Variants in RAB44 observed in about 807,000 individuals in gnomAD.
RAB44 encodes the protein ras-related protein Rab-44.
In RAB44, 67 loss-of-function variants were observed where a neutral mutation model predicts 93.3. That is an observed-to-expected ratio of 0.72 (90% CI 0.59 to 0.88). The LOEUF (loss-of-function observed/expected upper bound fraction) is 0.88, where lower values mean the gene tolerates loss of function less well. Among genes scored for constraint, RAB44 ranks in the 40% least tolerant of loss-of-function variants. The probability of loss-of-function intolerance (pLI) is 0.00; values close to 1 mark genes in which losing one functional copy is unlikely to be tolerated. For missense variants in RAB44, 1,064 were observed against 1,261.7 expected, an observed-to-expected ratio of 0.84 and a Z score of 2.37; for synonymous variants, 427 against 520.3, an observed-to-expected ratio of 0.82 and a Z score of 2.44.
rs1231652128 is a variant in RAB44, at chr6:36,727,689, C to T, written c.2794C>T (p.Gln932Ter). ...CGTGCGCTACTGGCTAGACTGTCTC[C>T]AGGTGAGCAGATGGCTGCTGGGGTT... ...AHVRYWLDCLQDAGSDGVVIL... is the reference protein window; with the variant it reads ...AHVRYWLDCL Residue 932 changes from glutamine (Q) to a stop codon, truncating the protein, a stop_gained and splice_region_variant, in exon 11 of 14, where the codon CAG (glutamine) becomes TAG (stop). Coordinates refer to ENST00000612677, the MANE Select transcript of RAB44 (RefSeq NM_001257357.2). LOFTEE classifies it high-confidence loss of function. 6 of 1,547,906 alleles carry T rather than the reference C, an allele frequency of 3.9e-6. No individual in the cohort carries two copies. The highest frequency in any genetic ancestry group is 1.7e-4 in the Middle Eastern group (1 of 6,000).
chr6:36,727,903 C>T (rs907119720), intron 11 of RAB44, among the ~76,000 whole-genome samples: 5 of 152,212 alleles, frequency 3.3e-5, no homozygotes, highest in African/African-American at 1.2e-4. Flanking sequence ...CAAACTACTT[C>T]CTTTATCCTG....
rs1035483654 is a variant in RAB44, at chr6:36,731,134, C to T, written c.2975+385C>T. The stretch of plus-strand genomic sequence containing the variant: ...GCAGCATCTCTAGTGCCATCTCCCC[C>T]ACCCCTACACACACACACATTCACT... On this transcript the variant is annotated intron_variant, in intron 13 of 13. Transcript: ENST00000612677. The surrounding 1 kb of genome is among the most constrained non-coding windows in gnomAD (Gnocchi z 4.0). 6.6e-6 allele frequency among the ~76,000 whole-genome samples: 1 copy of T among 151,824 alleles called. No homozygotes were observed. Among genetic ancestry groups the T allele is most frequent in the African/African-American group, 2.4e-5 (1 of 41,308 alleles).
chr6:36,725,271 G>A (rs942701974), intron 9 of RAB44, among the ~76,000 whole-genome samples: 1 of 152,202 alleles, frequency 6.6e-6, no homozygotes, highest in African/African-American at 2.4e-5. Context: ...CGCCTCCCGG[G>A]TTCAAGTGAT....
In RAB44 at chr6:36,721,627, C is replaced by T. The variant is rs766353256; in HGVS notation, c.1493C>T (p.Pro498Leu). The T allele has an allele frequency of 3.2e-6, 4 of 1,234,524 alleles. No homozygotes were observed. Among genetic ancestry groups the T allele is most frequent in the Non-Finnish European group, 4.0e-6 (4 of 988,404 alleles). 76.5% of individuals were successfully genotyped at this position (1,234,524 alleles called of 1,614,324 possible). ...LVAPAFKVLI[P>L]LEDGPPPPAN... is the part of the protein sequence containing the mutation. ...GCACCTGCATTCAAAGTGCTCATTC[C>T]TTTGGAGGATGGGCCCCCTCCCCCT... The change falls in exon 9 of 14, where the codon CCT becomes CTT. Residue 498 changes from proline to leucine, a missense_variant. Pro to Leu is a moderately conservative substitution (Grantham distance 98). Transcript: ENST00000612677.
chr6:36,716,394 T>C (rs1026698640), intron 4 of RAB44, among the ~76,000 whole-genome samples: 16 of 145,548 alleles, frequency 1.1e-4, no homozygotes, highest in African/African-American at 3.9e-4. Flanking sequence ...TGCTTGAACC[T>C]GGGAGGCGGA....
rs771467172 is a variant in RAB44, at chr6:36,728,702, T to A, written c.2799T>A (p.Asp933Glu). 7 of 1,550,304 alleles carry A rather than the reference T, an allele frequency of 4.5e-6. No homozygotes were observed. The South Asian group carries it at 8.3e-5, about 18-fold the overall frequency. ...GACAGAACATGTTCTGTGTGCAGGA[T>A]GCAGGGTCGGATGGGGTGGTCATCC... The part of the protein sequence containing the change: ...HVRYWLDCLQ[D>E]AGSDGVVILL... The change falls in exon 12 of 14, where the codon GAT becomes GAA. Residue 933 changes from aspartate to glutamate, a missense_variant and splice_region_variant. Physicochemically the swap from Asp to Glu is conservative, Grantham distance 45. Coordinates refer to ENST00000612677, the MANE Select transcript of RAB44 (RefSeq NM_001257357.2).
intron 9 of RAB44, 146 bp from the exon 10 acceptor site, chr6:36,725,716 G>A: frequency 1.6e-6 from 1 of 636,384 alleles, no homozygotes; most frequent in East Asian, 2.8e-5. Context: ...GAGTATGGAT[G>A]GGATGCAGAG....
chr6:36,715,271 G>A (rs1017549824), intron 3 of RAB44, among the ~76,000 whole-genome samples: 7 of 152,126 alleles, frequency 4.6e-5, no homozygotes, highest in South Asian at 2.1e-4. Context: ...GTCTTTTGGC[G>A]TCTCTGGGCC....
intron 10 of RAB44, 132 bp from the exon 11 acceptor site, chr6:36,727,445 T>C: frequency 1.6e-6 from 1 of 638,732 alleles, no homozygotes; most frequent in Non-Finnish European, 2.8e-6. Flanking sequence ...AACTACACTG[T>C]ACGAAGAAAA....
rs1304040646 is a variant in RAB44 at position 36,719,600 on chromosome 6, A to G, written c.829-763A>G. 2.6e-5 allele frequency among the ~76,000 whole-genome samples: 4 copies of G among 152,330 alleles called. No individual in the cohort carries two copies. In the South Asian group the frequency reaches 8.3e-4, roughly 32 times the overall value. On this transcript the variant is annotated intron_variant, in intron 7 of 13. Transcript: ENST00000612677. ...ACATAGGAAATGGTGATCAGTGCTA[A>G]GGAGAATAAAGTAAAACAGGGAAGG...
At chr6:36,729,998 T>C (rs1457889021) in intron 12 of RAB44, among the ~76,000 whole-genome samples, 1 of 152,212 alleles carries the variant, frequency 6.6e-6, no homozygotes, top group African/African-American at 2.4e-5. Context: ...TGGATGTTCA[T>C]GTGAGAGGTT....
chr6:36,713,810 C>G lies in RAB44; in HGVS notation c.208-18C>G. 8 of 1,503,464 alleles carry G rather than the reference C, an allele frequency of 5.3e-6. No individual in the cohort carries two copies. The highest frequency in any genetic ancestry group is 7.2e-6 in the Non-Finnish European group (8 of 1,117,164). The allele number at this position is 1,503,464 out of a possible 1,614,324, so 93.1% of individuals were successfully genotyped here. On this transcript the variant is annotated intron_variant, in intron 2 of 13. Coordinates refer to ENST00000612677, the MANE Select transcript of RAB44 (RefSeq NM_001257357.2). ...TTCCCCGGTGGGAACACCTGCCCAA[C>G]TTGCCCATTCCTTCCAGGTGGCCAA...
At position 36,727,707 on chromosome 6, in the gene RAB44, C is replaced by T. The variant is rs778935333; in HGVS notation, c.2796+16C>T. 40 of 1,520,410 alleles carry T rather than the reference C, an allele frequency of 2.6e-5. 1 individual carries two copies. In the South Asian group the frequency reaches 4.8e-4, roughly 18 times the overall value. 94.2% of individuals were successfully genotyped at this position (1,520,410 alleles called of 1,614,324 possible). ...CTGTCTCCAGGTGAGCAGATGGCTG[C>T]TGGGGTTGGCCCCAGTCCCTCCAGT... On this transcript the variant is annotated intron_variant, in intron 11 of 13. Coordinates refer to ENST00000612677, the MANE Select transcript of RAB44 (RefSeq NM_001257357.2).
Position 36,721,819 on chromosome 6 carries a change from G to A in RAB44, c.1685G>A (p.Arg562Gln), listed in dbSNP as rs189776467. The A allele has an allele frequency of 4.2e-3, 5,195 of 1,234,238 alleles. 15 individuals are homozygous for A. Among genetic ancestry groups the A allele is most frequent in the Non-Finnish European group, 4.7e-3 (4,657 of 988,338 alleles). The allele number at this position is 1,234,238 out of a possible 1,614,324, so 76.5% of individuals were successfully genotyped here. A position where few individuals can be genotyped will look rare whatever the true frequency, so the allele number is the denominator to read the frequency against. The part of the protein sequence containing the change: ...PTQTPPTMTE[R>Q]ETQPGPSPTT... ...CAAACCCCTCCCACCATGACTGAGC[G>A]GGAAACCCAGCCCGGACCCTCACCC... The change falls in exon 9 of 14, where the codon CGG (arginine) becomes CAG (glutamine). Residue 562 changes from arginine (R) to glutamine (Q), a missense_variant. Arg to Gln is a conservative substitution (Grantham distance 43). Coordinates refer to ENST00000612677, the MANE Select transcript of RAB44 (RefSeq NM_001257357.2).
chr6:36,704,530 G>A, intron 2 of RAB44, 88 bp downstream of exon 2: 1 of 1,232,464 alleles, frequency 8.1e-7, no homozygotes, highest in Non-Finnish European at 1.1e-6. Flanking sequence ...GGCAGGGCTT[G>A]CTACCCCTGC....
In RAB44 at chr6:36,722,460, A is replaced by G. The variant is rs1763116036; in HGVS notation, c.2326A>G (p.Arg776Gly). The change falls in exon 9 of 14, where the codon AGG becomes GGG. Residue 776 changes from arginine to glycine, a missense_variant. By Grantham distance (125) the Arg-to-Gly change is moderately radical. Coordinates refer to ENST00000612677, the MANE Select transcript of RAB44 (RefSeq NM_001257357.2). ...CATGGCTGAGCAGGAAGCCCAACCCAGGCCATCCCTCACGACTGCTCACGC... is the reference window on the plus strand; with the variant it reads ...CATGGCTGAGCAGGAAGCCCAACCCGGGCCATCCCTCACGACTGCTCACGC... ...PTMAEQEAQP[R>G]PSLTTAHAEE... The G allele has an allele frequency of 1.4e-6, 2 of 1,445,674 alleles. No homozygotes were observed. The highest frequency in any genetic ancestry group is 2.7e-5 in the Admixed American group (1 of 37,580). The allele number at this position is 1,445,674 out of a possible 1,614,324, so 89.6% of individuals were successfully genotyped here.
At chr6:36,703,281 C>T (rs930132956) in intron 1 of RAB44, among the ~76,000 whole-genome samples, 1 of 152,154 alleles carries the variant, frequency 6.6e-6, no homozygotes, top group Non-Finnish European at 1.5e-5. Flanking sequence ...CCCATCAGGC[C>T]CCATCGCCCA....
Position 36,718,597 on chromosome 6 carries a change from T to C in RAB44, c.828+9T>C, listed in dbSNP as rs2150335101. On this transcript the variant is annotated intron_variant, in intron 7 of 13. Coordinates refer to ENST00000612677, the MANE Select transcript of RAB44 (RefSeq NM_001257357.2). ...CTGAGGGCCAGAGGGAGGTGAGTAA[T>C]AGGGTTTCCCAGAAACCTACTTCCG... 5 of 1,225,286 alleles carry C rather than the reference T, an allele frequency of 4.1e-6. No individual in the cohort carries two copies. The highest frequency in any genetic ancestry group is 5.1e-6 in the Non-Finnish European group (5 of 979,870). The allele number at this position is 1,225,286 out of a possible 1,614,324, so 75.9% of individuals were successfully genotyped here.
intron 9 of RAB44, 38 bp downstream of exon 9, chr6:36,722,771 G>C (rs1763129810): frequency 6.5e-7 from 1 of 1,548,876 alleles, no homozygotes; most frequent in Non-Finnish European, 8.7e-7. Flanking sequence ...AGCAAGGAGA[G>C]ACGCAGGGGC....
Sources: gnomAD v4.1 joint callset for allele counts (sites outside exome capture counted in the v4.1 genomes callset) on GRCh38, gnomAD v4.1.1 for gene constraint, Gnocchi (gnomAD v3.1) non-coding constraint, MANE v1.5 for transcripts, NCBI Gene and HGNC (gene_info 2026-07-23, HGNC 2026-07-21) for gene names.